ZNF804B: variants seen among roughly 807,000 people sequenced by gnomAD.
The protein encoded by ZNF804B is zinc finger 804B.
In ZNF804B, 80 loss-of-function variants were observed where a neutral mutation model predicts 101.4. The observed-to-expected ratio is 0.79, with a 90% CI of 0.66 to 0.95. The LOEUF (loss-of-function observed/expected upper bound fraction) is 0.95. Ranked by LOEUF, ZNF804B falls within the 40% of genes least tolerant of loss-of-function variation. The pLI is 0.00. For missense variants in ZNF804B, 1,673 were observed against 1,561.9 expected (o/e 1.07, Z -1.20); for synonymous variants, 622 against 558.8 (o/e 1.11, Z -1.59).
At chr7:89,072,269 C>T (rs1222123278) in intron 1 of ZNF804B, among the ~76,000 whole-genome samples, 1 of 152,126 alleles carries the variant, frequency 6.6e-6, no homozygotes, top group Non-Finnish European at 1.5e-5. Flanking sequence ...GCCTAGGTAA[C>T]ATTTCTTTCT....
intron 1 of ZNF804B, among the ~76,000 whole-genome samples, chr7:89,216,530 A>G (rs1788900023): frequency 6.6e-6 from 1 of 152,088 alleles, no homozygotes; most frequent in South Asian, 2.1e-4. Context: ...CCTGTCCACT[A>G]ATTTTTTATA....
chr7:88,801,309 A>G (rs987761499), intron 1 of ZNF804B, among the ~76,000 whole-genome samples: 2 of 151,960 alleles, frequency 1.3e-5, no homozygotes, highest in Non-Finnish European at 2.9e-5. Context: ...AGGGGAAAAA[A>G]AAAAAAAGTA....
chr7:88,963,002 G>T (rs1035651661), intron 1 of ZNF804B, among the ~76,000 whole-genome samples: 2 of 150,690 alleles, frequency 1.3e-5, no homozygotes, highest in Admixed American at 6.6e-5. Flanking sequence ...AATTAGAAAG[G>T]TGCCATCTAA....
At chr7:89,036,746 C>T (rs1788935234) in intron 1 of ZNF804B, among the ~76,000 whole-genome samples, 1 of 152,078 alleles carries the variant, frequency 6.6e-6, no homozygotes, top group Non-Finnish European at 1.5e-5. Flanking sequence ...GGATGTTGGA[C>T]ACATTATGCT....
chr7:89,007,446 T>TTTTATATATA (rs1457924197), intron 1 of ZNF804B, among the ~76,000 whole-genome samples: 2 of 57,202 alleles, frequency 3.5e-5, no homozygotes, highest in Admixed American at 5.6e-4. Flanking sequence ...ATCCATGATT[T>TTTTATATATA]TATATATATA....
chr7:89,270,042 T>C (rs1400743865), intron 2 of ZNF804B, among the ~76,000 whole-genome samples: 1 of 152,236 alleles, frequency 6.6e-6, no homozygotes, highest in Non-Finnish European at 1.5e-5. Flanking sequence ...GTAGTTTCTT[T>C]TGCTGTGCAG....
intron 1 of ZNF804B, among the ~76,000 whole-genome samples, chr7:89,214,882 T>C (rs1276882362): frequency 2.6e-5 from 4 of 152,240 alleles, no homozygotes; most frequent in South Asian, 2.1e-4. Flanking sequence ...CATGTGTGGA[T>C]AGATCGTTGG....
chr7:89,182,547 C>T (rs890611330), intron 1 of ZNF804B, among the ~76,000 whole-genome samples: 2 of 152,112 alleles, frequency 1.3e-5, no homozygotes, highest in Non-Finnish European at 2.9e-5. Flanking sequence ...TTTGAAATTA[C>T]ATAAAAGAAG....
At position 88,893,588 on chromosome 7, in the gene ZNF804B, A is replaced by G. The variant is rs1004694014; in HGVS notation, c.108+133504A>G. Among the ~76,000 whole-genome samples, 140 of 152,306 alleles carry G rather than the reference A, an allele frequency of 9.2e-4. 1 individual carries two copies. Among genetic ancestry groups the G allele is most frequent in the African/African-American group, 2.9e-3 (122 of 41,572 alleles). ...AAAGCTTATGCAAATAATACTTATTAAAATAGAGTGTTGAACTTAATAGAT... is the reference window on the plus strand; with the variant it reads ...AAAGCTTATGCAAATAATACTTATTGAAATAGAGTGTTGAACTTAATAGAT... On this transcript the variant is annotated intron_variant, in intron 1 of 3. Transcript: ENST00000333190.
At chr7:89,098,587 T>A (rs896871864) in intron 1 of ZNF804B, among the ~76,000 whole-genome samples, 2 of 152,064 alleles carry the variant, frequency 1.3e-5, no homozygotes, top group African/African-American at 4.8e-5. Context: ...CAACTTTTTT[T>A]AATGAAGAAA....
intron 1 of ZNF804B, among the ~76,000 whole-genome samples, chr7:88,956,159 C>T (rs1162992417): frequency 6.6e-6 from 1 of 151,436 alleles, no homozygotes; most frequent in African/African-American, 2.4e-5. Context: ...GTACAGTCAT[C>T]TTGGAAAACA....
chr7:88,789,346 T>C (rs934778040), intron 1 of ZNF804B, among the ~76,000 whole-genome samples: 1 of 152,164 alleles, frequency 6.6e-6, no homozygotes. Flanking sequence ...AATAAAGGTC[T>C]GCATAATTAA....
intron 1 of ZNF804B, among the ~76,000 whole-genome samples, chr7:88,855,006 G>A (rs1020661468): frequency 3.9e-5 from 6 of 151,904 alleles, no homozygotes; most frequent in African/African-American, 1.2e-4. Context: ...GTCTATCATG[G>A]TTGGACATTT....
At chr7:89,012,485 C>T (rs1788480502) in intron 1 of ZNF804B, among the ~76,000 whole-genome samples, 1 of 152,100 alleles carries the variant, frequency 6.6e-6, no homozygotes, top group African/African-American at 2.4e-5. Context: ...ACATTCCAAG[C>T]CATCTCACTC....
intron 1 of ZNF804B, among the ~76,000 whole-genome samples, chr7:89,075,368 C>T (rs970949317): frequency 5.3e-5 from 8 of 152,122 alleles, no homozygotes; most frequent in African/African-American, 1.9e-4. Flanking sequence ...TGGTGCCCTG[C>T]ATCCCAGCCA....
chr7:88,816,083 A>C lies in ZNF804B; in HGVS notation c.108+55999A>C, dbSNP rs559692490. ...AGGATATCCTCCGCACCCAACTTCAAATTTAACACCCCTCATTGAGCTTTC... is the reference window on the plus strand; with the variant it reads ...AGGATATCCTCCGCACCCAACTTCACATTTAACACCCCTCATTGAGCTTTC... On this transcript the variant is annotated intron_variant, in intron 1 of 3. Transcript: ENST00000333190. Among the ~76,000 whole-genome samples, 8 of 151,398 alleles carry C rather than the reference A, an allele frequency of 5.3e-5. 1 individual carries two copies. The highest frequency in any genetic ancestry group is 1.9e-4 in the African/African-American group (8 of 41,216).
chr7:89,277,245 G>T (rs1789995504), intron 2 of ZNF804B, among the ~76,000 whole-genome samples: 1 of 149,976 alleles, frequency 6.7e-6, no homozygotes, highest in Admixed American at 6.6e-5. Flanking sequence ...ACAAACATTT[G>T]TGAGTATATT....
At chr7:88,872,334 TTTAACC>T (rs964793244) in intron 1 of ZNF804B, among the ~76,000 whole-genome samples, 1 of 152,160 alleles carries the variant, frequency 6.6e-6, no homozygotes, top group Non-Finnish European at 1.5e-5. Flanking sequence ...GGAAAATGGC[TTTAACC>T]TAGCAGTTTG....
intron 1 of ZNF804B, among the ~76,000 whole-genome samples, chr7:88,894,235 T>G (rs1047034002): frequency 4.0e-5 from 6 of 151,732 alleles, no homozygotes; most frequent in Non-Finnish European, 5.9e-5. Context: ...TTTTTTGAGA[T>G]GGAGTTTCAC....
Sources: gnomAD v4.1 joint callset for allele counts (sites outside exome capture counted in the v4.1 genomes callset) on GRCh38, gnomAD v4.1.1 for gene constraint, MANE v1.5 for transcripts, NCBI Gene and HGNC (gene_info 2026-07-23, HGNC 2026-07-21) for gene names.